Variants in WNT3 observed in about 807,000 individuals in gnomAD.
The protein encoded by WNT3 is Wnt family member 3, also known as proto-oncogene Wnt-3.
A neutral mutation model predicts 34.2 loss-of-function variants in WNT3; 7 were observed. The ratio of observed to expected loss-of-function variants is 0.20; its 90% CI spans 0.12 to 0.38. The LOEUF (loss-of-function observed/expected upper bound fraction) is 0.38, where lower values mean the gene tolerates loss of function less well. WNT3 is among the 10% of genes least tolerant of loss of function. The pLI, the probability that WNT3 is intolerant of heterozygous loss-of-function variation, is 1.00. For synonymous variants in WNT3, 212 were observed against 211.5 expected (o/e 1.00, Z -0.02); for missense variants, 267 against 499.8 (o/e 0.53, Z 4.44).
intron 1 of WNT3, among the ~76,000 whole-genome samples, chr17:46,810,466 C>G (rs536673500): frequency 3.3e-4 from 50 of 152,338 alleles, no homozygotes; most frequent in African/African-American, 1.1e-3. Flanking sequence ...GGCCTCAGGT[C>G]TGAGGCCAAC....
chr17:46,793,451 C>A (rs1361374268), intron 1 of WNT3, among the ~76,000 whole-genome samples: 14 of 152,098 alleles, frequency 9.2e-5, no homozygotes. Flanking sequence ...GGGCTCCCGC[C>A]TATCAGTCTT....
rs934890408 is a variant in WNT3 at position 46,769,670 on chromosome 17, G to C, written c.588+113C>G. On this transcript the variant is annotated intron_variant, in intron 3 of 4. Transcript: ENST00000225512. ...AGGCCAAGCCTGGCCAAGGGGAAAA[G>C]GAGCCCGCGACCCACAGGGCTGCCG... The C allele has an allele frequency of 1.1e-5, 16 of 1,443,394 alleles. No individual in the cohort carries two copies. In the African/African-American group the frequency reaches 1.7e-4, roughly 15 times the overall value. 89.4% of individuals were successfully genotyped at this position (1,443,394 alleles called of 1,614,324 possible).
chr17:46,770,096 C>T (rs2059350489), intron 2 of WNT3, 48 bp from the exon 3 acceptor site: 1 of 1,496,662 alleles, frequency 6.7e-7, no homozygotes, highest in Non-Finnish European at 8.9e-7. Context: ...GGCCTGGGAG[C>T]GCCTGCCCTG....
chr17:46,786,605 G>A (rs2146413086), intron 1 of WNT3, among the ~76,000 whole-genome samples: 1 of 152,362 alleles, frequency 6.6e-6, no homozygotes, highest in South Asian at 2.1e-4. Flanking sequence ...TCTCCACTTT[G>A]CTGCGCAGTT....
At chr17:46,815,751 C>T (rs1229665534) in intron 1 of WNT3, among the ~76,000 whole-genome samples, 1 of 152,196 alleles carries the variant, frequency 6.6e-6, no homozygotes, top group Non-Finnish European at 1.5e-5. Context: ...GCCTGTGCCC[C>T]TGCCTCTCTA....
chr17:46,779,103 A>AC (rs3219936), intron 1 of WNT3, among the ~76,000 whole-genome samples: 2,279 of 133,632 alleles, frequency 0.017, 99 homozygotes, highest in African/African-American at 0.059. Flanking sequence ...ACACACACAC[A>AC]CCCCAGCCCA....
chr17:46,778,080 A>G (rs535825601), intron 1 of WNT3, among the ~76,000 whole-genome samples: 39 of 152,334 alleles, frequency 2.6e-4, no homozygotes, highest in African/African-American at 9.4e-4. Context: ...AGTGCATGGC[A>G]CGTGGGGAGC....
chr17:46,802,947 T>TTA (rs1329471488), intron 1 of WNT3, among the ~76,000 whole-genome samples: 1 of 152,150 alleles, frequency 6.6e-6, no homozygotes, highest in Admixed American at 6.5e-5. Flanking sequence ...GAACCCTGAT[T>TTA]TATAGCAGGT....
intron 2 of WNT3, 111 bp from the exon 3 acceptor site, chr17:46,770,159 G>A: frequency 7.2e-7 from 1 of 1,387,138 alleles, no homozygotes; most frequent in Non-Finnish European, 9.5e-7. Flanking sequence ...AAGAGTTGAA[G>A]AGCTCACCAG....
intron 1 of WNT3, among the ~76,000 whole-genome samples, chr17:46,811,449 G>A (rs139087385): frequency 1.3e-3 from 194 of 152,290 alleles, no homozygotes; most frequent in African/African-American, 3.6e-3. Context: ...CAGAACCGTT[G>A]TGCACCTGGG....
intron 1 of WNT3, among the ~76,000 whole-genome samples, chr17:46,779,735 A>T (rs2059444199): frequency 2.0e-5 from 3 of 151,254 alleles, no homozygotes; most frequent in Admixed American, 2.0e-4. Flanking sequence ...GGAGGCCTGC[A>T]TGGTGAGCAC....
Position 46,763,840 on chromosome 17 carries a change from AAAAAAAC to A in WNT3, c.*783_*789del, listed in dbSNP as rs1252977214. 1.6e-5 allele frequency: 2 copies of A among 128,244 alleles called. No homozygotes were observed. The highest frequency in any genetic ancestry group is 1.5e-5 in the Non-Finnish European group (1 of 64,540). The allele number at this position is 128,244 out of a possible 1,614,324, so 7.9% of individuals were successfully genotyped here. ...CAAGGTCCACTACCACCAAAAAAAA[AAAAAAAC>A]AAAAAAACAAAAAAAAAACTGCATT... On this transcript the variant is annotated 3_prime_UTR_variant, in exon 5 of 5. Transcript: ENST00000225512.
intron 2 of WNT3, 133 bp from the exon 3 acceptor site, chr17:46,770,181 G>C (rs2059351102): frequency 8.0e-7 from 1 of 1,247,120 alleles, no homozygotes; most frequent in Non-Finnish European, 1.1e-6. Context: ...CCTGAGGCAA[G>C]AGGGAGGCAG....
intron 1 of WNT3, among the ~76,000 whole-genome samples, chr17:46,793,884 C>A (rs928688037): frequency 6.6e-6 from 1 of 152,150 alleles, no homozygotes; most frequent in African/African-American, 2.4e-5. Context: ...TGGAGTTGGA[C>A]CCCAAATCCC....
At chr17:46,779,103 A>ACCCCCCCC (rs3219936) in intron 1 of WNT3, among the ~76,000 whole-genome samples, 6 of 133,660 alleles carry the variant, frequency 4.5e-5, no homozygotes, top group Admixed American at 3.9e-4. Flanking sequence ...ACACACACAC[A>ACCCCCCCC]CCCCAGCCCA....
At chr17:46,783,010 C>T (rs2059474785) in intron 1 of WNT3, among the ~76,000 whole-genome samples, 1 of 152,156 alleles carries the variant, frequency 6.6e-6, no homozygotes, top group African/African-American at 2.4e-5. Context: ...GGGTGCCTTT[C>T]ATCAAAGAAG....
intron 4 of WNT3, among the ~76,000 whole-genome samples, chr17:46,767,842 C>A (rs1423527158): frequency 6.6e-6 from 1 of 151,942 alleles, no homozygotes; most frequent in East Asian, 1.9e-4. Flanking sequence ...TGGATGGAGT[C>A]CAGTGGTGCA....
At chr17:46,817,483 G>T (rs929974596) in intron 1 of WNT3, among the ~76,000 whole-genome samples, 1 of 152,188 alleles carries the variant, frequency 6.6e-6, no homozygotes, top group African/African-American at 2.4e-5. Flanking sequence ...GTAATTTAGA[G>T]AACTGGTTTC....
chr17:46,787,493 C>A (rs974193347), intron 1 of WNT3, among the ~76,000 whole-genome samples: 6 of 152,212 alleles, frequency 3.9e-5, no homozygotes, highest in African/African-American at 1.4e-4. Flanking sequence ...CCCTGCTGTT[C>A]CTCCACTGGT....
Sources: allele counts gnomAD v4.1 joint callset (sites outside exome capture counted in the v4.1 genomes callset), GRCh38; gene constraint gnomAD v4.1.1; transcripts MANE v1.5; gene names NCBI Gene and HGNC (gene_info 2026-07-23, HGNC 2026-07-21).